Variants in PIN1 observed in about 807,000 individuals in gnomAD.
PIN1 encodes the protein peptidyl-prolyl cis-trans isomerase NIMA-interacting 1.
PIN1 carries 8 observed loss-of-function variants against 19.9 expected under a neutral mutation model. The ratio of observed to expected loss-of-function variants is 0.40; its 90% CI spans 0.24 to 0.72. PIN1 has a LOEUF of 0.72. PIN1 is among the 30% of genes least tolerant of loss of function. The pLI is 0.37. For synonymous variants in PIN1, 86 were observed against 90.8 expected (o/e 0.95, Z 0.30); for missense variants, 185 against 226.5 (o/e 0.82, Z 1.18).
Position 9,849,241 on chromosome 19 carries a change from G to A in PIN1, c.*42G>A. The A allele has an allele frequency of 1.4e-6, 2 of 1,381,512 alleles. No individual in the cohort carries two copies. The highest frequency in any genetic ancestry group is 2.0e-6 in the Non-Finnish European group (2 of 986,352). 85.6% of individuals were successfully genotyped at this position (1,381,512 alleles called of 1,614,324 possible). A position where few individuals can be genotyped will look rare whatever the true frequency, so the allele number is the denominator to read the frequency against. On this transcript the variant is annotated 3_prime_UTR_variant, in exon 4 of 4. Coordinates refer to ENST00000247970, the MANE Select transcript of PIN1 (RefSeq NM_006221.4). ...CCTGGCCTCGGGGCAGGGCAGGGCGGCTAGGCCGGCCAGCTCCCCCTTGCC... is the reference window on the plus strand; with the variant it reads ...CCTGGCCTCGGGGCAGGGCAGGGCGACTAGGCCGGCCAGCTCCCCCTTGCC...
Position 9,848,129 on chromosome 19 carries a change from C to G in PIN1, c.371C>G (p.Ala124Gly), listed in dbSNP as rs776631037. The change falls in exon 3 of 4, where the codon GCC becomes GGC. Residue 124 changes from alanine (A) to glycine (G), a missense_variant. Physicochemically the swap from Ala to Gly is moderately conservative, Grantham distance 60. Coordinates refer to ENST00000247970, the MANE Select transcript of PIN1 (RefSeq NM_006221.4). ...GCCAAGGCCAGGGGAGACCTGGGTGCCTTCAGCAGAGGTGCGCAAGGAATG... is the reference window on the plus strand; with the variant it reads ...GCCAAGGCCAGGGGAGACCTGGGTGGCTTCAGCAGAGGTGCGCAAGGAATG... The part of the protein sequence containing the change: ...SSAKARGDLG[A>G]FSRGQMQKPF... The G allele has an allele frequency of 6.2e-7, 1 of 1,603,210 alleles. No individual in the cohort carries two copies. Among genetic ancestry groups the G allele is most frequent in the Admixed American group, 1.7e-5 (1 of 60,008 alleles).
At chr19:9,842,008 C>G (rs1466912262) in intron 2 of PIN1, among the ~76,000 whole-genome samples, 1 of 152,000 alleles carries the variant, frequency 6.6e-6, no homozygotes, top group Non-Finnish European at 1.5e-5. Context: ...GAGGGTGTCT[C>G]GCCCATCTCT....
chr19:9,843,580 C>T (rs1279711971), intron 2 of PIN1, among the ~76,000 whole-genome samples: 1 of 152,244 alleles, frequency 6.6e-6, no homozygotes, highest in Admixed American at 6.5e-5. Context: ...TCATCACTTT[C>T]CACAGTTCTG....
chr19:9,837,175 A>T (rs1449072900), intron 1 of PIN1: 1 of 257,866 alleles, frequency 3.9e-6, no homozygotes. Context: ...TTGTTTTGAG[A>T]CAGAATCTCA....
intron 1 of PIN1, chr19:9,836,802 C>T: frequency 7.8e-7 from 1 of 1,284,864 alleles, no homozygotes. Flanking sequence ...TCCTGCCTTC[C>T]CCTGTGTGTG....
Position 9,838,407 on chromosome 19 carries a change from G to C in PIN1, c.59-29G>C, listed in dbSNP as rs1004901431. On this transcript the variant is annotated intron_variant, in intron 1 of 3. Coordinates refer to ENST00000247970, the MANE Select transcript of PIN1 (RefSeq NM_006221.4). This position sits in a 1 kb window ranked among gnomAD's most constrained non-coding sequence, Gnocchi z 5.8. ...GGGGTGTCCTGGGAGCACAACCCTA[G>C]CTGAATTCCTGCCTGCCCTCCCCTC... 1.3e-6 allele frequency: 2 copies of C among 1,563,210 alleles called. No individual in the cohort carries two copies. The highest frequency in any genetic ancestry group is 1.7e-6 in the Non-Finnish European group (2 of 1,150,410).
chr19:9,844,294 C>T (rs990531375), intron 2 of PIN1, among the ~76,000 whole-genome samples: 1 of 152,198 alleles, frequency 6.6e-6, no homozygotes, highest in African/African-American at 2.4e-5. Flanking sequence ...TTGGAACAGG[C>T]TCCAACGTGG....
chr19:9,838,239 C>G lies in PIN1; in HGVS notation c.59-197C>G, dbSNP rs540455782. 1.1e-5 allele frequency: 7 copies of G among 644,222 alleles called. No homozygotes were observed. In the East Asian group the frequency reaches 1.9e-4, roughly 18 times the overall value. 39.9% of individuals were successfully genotyped at this position (644,222 alleles called of 1,614,324 possible). A position where few individuals can be genotyped will look rare whatever the true frequency, so the allele number is the denominator to read the frequency against. On this transcript the variant is annotated intron_variant, in intron 1 of 3. Transcript: ENST00000247970. The surrounding 1 kb of genome is among the most constrained non-coding windows in gnomAD (Gnocchi z 5.8). Reference sequence around the variant, plus strand: ...TGTCTGCTCTCACCTAGAATGTTAGCTCTCTAAGGGCAGGGACTGTATCCT... The same window carrying G: ...TGTCTGCTCTCACCTAGAATGTTAGGTCTCTAAGGGCAGGGACTGTATCCT...
intron 1 of PIN1, chr19:9,837,132 T>A: frequency 3.9e-6 from 1 of 256,292 alleles, no homozygotes; most frequent in South Asian, 3.9e-5. Context: ...CCATGGCTAA[T>A]TTTTTATTTT....
chr19:9,841,578 G>A (rs1428830879), intron 2 of PIN1, among the ~76,000 whole-genome samples: 1 of 152,188 alleles, frequency 6.6e-6, no homozygotes, highest in East Asian at 1.9e-4. Flanking sequence ...TTTCCTGGAG[G>A]CAGCAGGACA....
Position 9,849,151 on chromosome 19 carries a change from GC to G in PIN1, c.447del (p.Val150CysfsTer30), listed in dbSNP as rs1254776301. 2 of 1,613,618 alleles carry G rather than the reference GC, an allele frequency of 1.2e-6. No individual in the cohort carries two copies. The highest frequency in any genetic ancestry group is 1.7e-6 in the Non-Finnish European group (2 of 1,179,814). Reference protein sequence around the residue: ...FALRTGEMSGPVFTDSGIHII... With the variant: ...FALRTGEMSGXVFTDSGIHII... ...CGCTGCGGACGGGGGAGATGAGCGGGCCCGTGTTCACGGATTCCGGCATCCA... is the reference window on the plus strand; with the variant it reads ...CGCTGCGGACGGGGGAGATGAGCGGGCCGTGTTCACGGATTCCGGCATCCA... On this transcript the variant is annotated frameshift_variant, in exon 4 of 4. Coordinates refer to ENST00000247970, the MANE Select transcript of PIN1 (RefSeq NM_006221.4). LOFTEE classifies it high-confidence loss of function.
At chr19:9,836,693 C>T (rs770656488) in intron 1 of PIN1, 17 of 483,882 alleles carry the variant, frequency 3.5e-5, no homozygotes, top group Non-Finnish European at 5.9e-5. Flanking sequence ...CCCTGGGTAA[C>T]ATCGGGCCAC....
intron 2 of PIN1, among the ~76,000 whole-genome samples, chr19:9,843,352 C>T (rs746478296): frequency 8.5e-5 from 13 of 152,260 alleles, no homozygotes; most frequent in Non-Finnish European, 1.3e-4. Context: ...ACCTCTTTCC[C>T]CGACCAGGCC....
At chr19:9,848,838 G>T (rs993360345) in intron 3 of PIN1, among the ~76,000 whole-genome samples, 1 of 152,128 alleles carries the variant, frequency 6.6e-6, no homozygotes, top group Non-Finnish European at 1.5e-5. Flanking sequence ...CTAAATGCAC[G>T]GCGGCGGCCG....
chr19:9,849,603 G>A lies in PIN1; in HGVS notation c.*404G>A, dbSNP rs750473383. ...CGCTCCTCTGTTCAGTCGCAAAGGTGAACACTCATGCGGCCCAGCCATGGG... is the reference window on the plus strand; with the variant it reads ...CGCTCCTCTGTTCAGTCGCAAAGGTAAACACTCATGCGGCCCAGCCATGGG... On this transcript the variant is annotated 3_prime_UTR_variant, in exon 4 of 4. Transcript: ENST00000247970. 7.4e-6 allele frequency: 4 copies of A among 537,362 alleles called. No homozygotes were observed. In the Middle Eastern group the frequency reaches 1.1e-3, roughly 142 times the overall value. 33.3% of individuals were successfully genotyped at this position (537,362 alleles called of 1,614,324 possible).
At chr19:9,848,162 C>G (rs2046240451) in intron 3 of PIN1, 22 bp downstream of exon 3, 2 of 1,437,598 alleles carry the variant, frequency 1.4e-6, no homozygotes, top group Non-Finnish European at 2.0e-6. Context: ...ATGGGCCTCA[C>G]CAGGTTGGGG....
rs2046255255 is a variant in PIN1 at position 9,849,562 on chromosome 19, G to T, written c.*363G>T. On this transcript the variant is annotated 3_prime_UTR_variant, in exon 4 of 4. Transcript: ENST00000247970. Reference sequence around the variant, plus strand: ...TGGAGGCAGACTCGAGGGCCGAATTGTTTCTAGTTAGGCCACGCTCCTCTG... The same window carrying T: ...TGGAGGCAGACTCGAGGGCCGAATTTTTTCTAGTTAGGCCACGCTCCTCTG... 4 of 582,198 alleles carry T rather than the reference G, an allele frequency of 6.9e-6. No individual in the cohort carries two copies. The highest frequency in any genetic ancestry group is 5.5e-5 in the African/African-American group (3 of 54,338). The allele number at this position is 582,198 out of a possible 1,614,324, so 36.1% of individuals were successfully genotyped here.
rs1316849439 is a variant in PIN1 at position 9,835,326 on chromosome 19, C to A, written c.-19C>A. 15 of 1,522,444 alleles carry A rather than the reference C, an allele frequency of 9.9e-6. No individual in the cohort carries two copies. Among genetic ancestry groups the A allele is most frequent in the East Asian group, 2.5e-5 (1 of 39,278 alleles). The allele number at this position is 1,522,444 out of a possible 1,614,324, so 94.3% of individuals were successfully genotyped here. On this transcript the variant is annotated 5_prime_UTR_variant, in exon 1 of 4. Transcript: ENST00000247970. ...GGCGGCGCAGCTGAGGCGGAGCAGG[C>A]GCTGCGGCAGGAGGGAAGATGGCGG...
chr19:9,845,863 A>T (rs770972719), intron 2 of PIN1, among the ~76,000 whole-genome samples: 18 of 152,098 alleles, frequency 1.2e-4, no homozygotes, highest in Non-Finnish European at 1.9e-4. Flanking sequence ...TGGCAAGGTG[A>T]TGCTTGTTCA....
Sources: allele counts gnomAD v4.1 joint callset (sites outside exome capture counted in the v4.1 genomes callset), GRCh38; gene constraint gnomAD v4.1.1; non-coding constraint Gnocchi (gnomAD v3.1); transcripts MANE v1.5; gene names NCBI Gene and HGNC (gene_info 2026-07-23, HGNC 2026-07-21).